Variants in ARMC8 observed in about 807,000 individuals in gnomAD.
ARMC8 encodes armadillo repeat-containing protein 8.
A neutral mutation model predicts 99.3 loss-of-function variants in ARMC8; 20 were observed. The ratio of observed to expected loss-of-function variants is 0.20; its 90% confidence interval spans 0.14 to 0.29. The LOEUF (loss-of-function observed/expected upper bound fraction) is 0.29, where lower values mean the gene tolerates loss of function less well. ARMC8 is among the 10% of genes least tolerant of loss of function. The pLI, the probability that ARMC8 is intolerant of heterozygous loss-of-function variation, is 1.00. For synonymous variants in ARMC8, 263 were observed against 278.3 expected (o/e 0.95, Z 0.55); for missense variants, 569 against 809.5 (o/e 0.70, Z 3.60).
intron 12 of ARMC8, among the ~76,000 whole-genome samples, chr3:138,251,988 A>G (rs1408056312): frequency 1.3e-5 from 2 of 152,208 alleles, no homozygotes; most frequent in African/African-American, 4.8e-5. Flanking sequence ...CTTTCTGGAA[A>G]TGAATGAAAT....
chr3:138,222,044 A>C (rs746700300), intron 3 of ARMC8, 47 bp downstream of exon 3: 1 of 1,443,284 alleles, frequency 6.9e-7, no homozygotes. Context: ...ACTAGTTTCT[A>C]ATGTATTTCT....
At chr3:138,193,837 T>C (rs1208651902) in intron 1 of ARMC8, among the ~76,000 whole-genome samples, 1 of 152,186 alleles carries the variant, frequency 6.6e-6, no homozygotes, top group Non-Finnish European at 1.5e-5. Context: ...ATTAAAAAAT[T>C]GATAAATTGG....
chr3:138,238,865 C>T (rs2046465366), intron 9 of ARMC8: 1 of 152,198 alleles, frequency 6.6e-6, no homozygotes, highest in Admixed American at 6.5e-5. Flanking sequence ...TAATGTTCAG[C>T]GCCTGCCTGG....
chr3:138,289,565 A>C (rs2050748276), intron 20 of ARMC8, among the ~76,000 whole-genome samples: 2 of 152,198 alleles, frequency 1.3e-5, no homozygotes, highest in Admixed American at 6.5e-5. Context: ...CCAGTGAAGC[A>C]GCTAGTCTGT....
rs1163952822 is a variant in ARMC8, at chr3:138,210,951, C to A, written c.122+1058C>A. Among the ~76,000 whole-genome samples the A allele has an allele frequency of 6.6e-5, 10 of 152,128 alleles. No individual in the cohort carries two copies. The South Asian group carries it at 2.1e-3, about 32-fold the overall frequency. On this transcript the variant is annotated intron_variant, in intron 2 of 21. Transcript: ENST00000469044. ...TTAGGATCCACCGAGATACTTGACG[C>A]TTATTTTCACGGCTTCTCAGTTTAC...
At position 138,253,834 on chromosome 3, in the gene ARMC8, CAT is replaced by C. The variant is rs1411822262; in HGVS notation, c.1134+8652_1134+8653del. 3.9e-5 allele frequency among the ~76,000 whole-genome samples: 6 copies of C among 152,298 alleles called. No individual in the cohort carries two copies. The South Asian group carries it at 8.3e-4, about 21-fold the overall frequency. On this transcript the variant is annotated intron_variant, in intron 12 of 21. Transcript: ENST00000469044. ...TTGCTATGTAGTAATTCCAGAGCCT[CAT>C]GTGTGTAAAAAGTCTGTCCACACTG...
At position 138,239,546 on chromosome 3, in the gene ARMC8, C is replaced by CT. The variant is rs772070866; in HGVS notation, c.837+21dup. 4.6e-6 allele frequency: 7 copies of CT among 1,527,378 alleles called. No homozygotes were observed. The South Asian group carries it at 8.7e-5, about 19-fold the overall frequency. The allele number at this position is 1,527,378 out of a possible 1,614,324, so 94.6% of individuals were successfully genotyped here. ...TATTAAAGGTAAGCTAATTAATTATCTTTAAAATGTGAAAATTATCCAGTT... is the reference window on the plus strand; with the variant it reads ...TATTAAAGGTAAGCTAATTAATTATCTTTTAAAATGTGAAAATTATCCAGTT... On this transcript the variant is annotated intron_variant, in intron 10 of 21. Transcript: ENST00000469044.
intron 9 of ARMC8, chr3:138,239,227 G>A (rs2046483879): frequency 2.5e-6 from 1 of 395,760 alleles, no homozygotes; most frequent in East Asian, 5.1e-5. Flanking sequence ...AAACTATTTG[G>A]TAGGTTTTTG....
chr3:138,255,033 G>C (rs1559995661), intron 12 of ARMC8, among the ~76,000 whole-genome samples: 1 of 151,996 alleles, frequency 6.6e-6, no homozygotes, highest in Non-Finnish European at 1.5e-5. Flanking sequence ...AGACCTACAG[G>C]AGAGGCTAGA....
At chr3:138,193,678 A>G (rs2043525893) in intron 1 of ARMC8, among the ~76,000 whole-genome samples, 2 of 152,232 alleles carry the variant, frequency 1.3e-5, no homozygotes, top group Non-Finnish European at 2.9e-5. Flanking sequence ...TTTAAGATGA[A>G]CCTTGATCTC....
intron 11 of ARMC8, 106 bp from the exon 12 acceptor site, chr3:138,244,982 C>A (rs776927872): frequency 1.7e-5 from 23 of 1,360,594 alleles, no homozygotes; most frequent in Non-Finnish European, 2.3e-5. Flanking sequence ...CTGGGAAATT[C>A]ACTAAAATCT....
At chr3:138,284,374 A>G in intron 18 of ARMC8, 57 bp from the exon 19 acceptor site, 1 of 1,381,988 alleles carries the variant, frequency 7.2e-7, no homozygotes, top group Non-Finnish European at 1.0e-6. Flanking sequence ...CTCTTGAGAC[A>G]GCTTGACTCT....
chr3:138,231,800 A>G (rs920853383), intron 6 of ARMC8, among the ~76,000 whole-genome samples: 2 of 151,324 alleles, frequency 1.3e-5, no homozygotes, highest in Non-Finnish European at 2.9e-5. Context: ...AAAAAAAAAG[A>G]CCATGAGGAC....
rs75162683 is a variant in ARMC8, at chr3:138,250,764, T to A, written c.1134+5581T>A. The stretch of plus-strand genomic sequence containing the variant: ...AATATATGTTCACATTTTGAACCAA[T>A]GTAATTTTTTCTGTATTTTCAATGC... On this transcript the variant is annotated intron_variant, in intron 12 of 21. Transcript: ENST00000469044. Among the ~76,000 whole-genome samples, 722 of 152,320 alleles carry A rather than the reference T, an allele frequency of 4.7e-3. 5 individuals carry two copies. The highest frequency in any genetic ancestry group is 0.017 in the African/African-American group (700 of 41,568).
intron 1 of ARMC8, among the ~76,000 whole-genome samples, chr3:138,200,974 G>T (rs142590929): frequency 1.2e-4 from 16 of 135,576 alleles, no homozygotes; most frequent in African/African-American, 4.4e-4. Flanking sequence ...GTGCAGTGGC[G>T]TGATCTTGGC....
intron 5 of ARMC8, 171 bp from the exon 6 acceptor site, chr3:138,228,747 C>T (rs1260864384): frequency 1.0e-5 from 6 of 575,846 alleles, no homozygotes; most frequent in South Asian, 9.2e-5. Context: ...TGTCATTGGC[C>T]TAGACAGTTT....
chr3:138,286,716 C>G lies in ARMC8; in HGVS notation c.1821+2190C>G, dbSNP rs139157925. On this transcript the variant is annotated intron_variant, in intron 19 of 21. Coordinates refer to ENST00000469044, the MANE Select transcript of ARMC8 (RefSeq NM_001363941.2). The stretch of plus-strand genomic sequence containing the variant: ...TTTTAAGATCACTGGGTGGTTCTTA[C>G]GTACAGACAGAGTTGAGAACCATTG... 1.6e-4 allele frequency among the ~76,000 whole-genome samples: 25 copies of G among 152,072 alleles called. No individual in the cohort carries two copies. The East Asian group carries it at 4.1e-3, about 25-fold the overall frequency.
At position 138,241,801 on chromosome 3, in the gene ARMC8, C is replaced by T; in HGVS notation, c.856C>T (p.Arg286Ter). ...IVLKTLPCLV[R>*]MCSKERLLEE... Reference sequence around the variant, plus strand: ...CTTTCAGACATTACCTTGTTTGGTTCGAATGTGCAGTAAGGAGAGATTACT... The same window carrying T: ...CTTTCAGACATTACCTTGTTTGGTTTGAATGTGCAGTAAGGAGAGATTACT... Residue 286 changes from arginine to a stop codon, truncating the protein, a stop_gained, in exon 11 of 22, where the codon CGA becomes TGA. Coordinates refer to ENST00000469044, the MANE Select transcript of ARMC8 (RefSeq NM_001363941.2). LOFTEE classifies it high-confidence loss of function. 6.2e-7 allele frequency: 1 copy of T among 1,613,792 alleles called. No individual in the cohort carries two copies. The highest frequency in any genetic ancestry group is 8.5e-7 in the Non-Finnish European group (1 of 1,179,932).
chr3:138,205,718 G>A (rs1055586375), intron 1 of ARMC8, among the ~76,000 whole-genome samples: 3 of 152,076 alleles, frequency 2.0e-5, no homozygotes, highest in East Asian at 1.9e-4. Context: ...TGGGAGGATC[G>A]CTTGAGGTCA....
Sources: allele counts gnomAD v4.1 joint callset (sites outside exome capture counted in the v4.1 genomes callset), GRCh38; gene constraint gnomAD v4.1.1; transcripts MANE v1.5; gene names NCBI Gene and HGNC (gene_info 2026-07-23, HGNC 2026-07-21).